TNFRSF19: variants seen among roughly 807,000 people sequenced by gnomAD.
The protein encoded by TNFRSF19 is tumor necrosis factor receptor superfamily member 19.
TNFRSF19 carries 27 observed loss-of-function variants against 46.4 expected under a neutral mutation model. The ratio of observed to expected loss-of-function variants is 0.58; its 90% CI spans 0.43 to 0.80. TNFRSF19 has a LOEUF of 0.80. Among genes scored for constraint, TNFRSF19 ranks in the 30% least tolerant of loss-of-function variants. The pLI is 0.00. For synonymous variants in TNFRSF19, 204 were observed against 205.0 expected (o/e 1.00, Z 0.04); for missense variants, 511 against 530.8 (o/e 0.96, Z 0.37).
In TNFRSF19 at chr13:23,667,971, C is replaced by T. The variant is rs1951676371; in HGVS notation, c.737-9C>T. ...GCACTGTGCTTCACACCTGTGCTGTCTTCCCTAGGGCCGGTGCGCTTGCTC... is the reference window on the plus strand; with the variant it reads ...GCACTGTGCTTCACACCTGTGCTGTTTTCCCTAGGGCCGGTGCGCTTGCTC... On this transcript the variant is annotated splice_polypyrimidine_tract_variant and intron_variant, in intron 7 of 9. Coordinates refer to ENST00000248484, the MANE Select transcript of TNFRSF19 (RefSeq NM_148957.4). The T allele has an allele frequency of 6.3e-7, 1 of 1,595,248 alleles. No individual in the cohort carries two copies. The highest frequency in any genetic ancestry group is 8.5e-7 in the Non-Finnish European group (1 of 1,170,888).
intron 5 of TNFRSF19, among the ~76,000 whole-genome samples, chr13:23,646,556 G>A (rs1180363587): frequency 1.3e-5 from 2 of 151,986 alleles, no homozygotes; most frequent in Non-Finnish European, 2.9e-5. Flanking sequence ...TTTTGTGTCT[G>A]GCTTATTTCA....
At chr13:23,621,985 A>G (rs1483485710) in intron 4 of TNFRSF19, among the ~76,000 whole-genome samples, 2 of 152,110 alleles carry the variant, frequency 1.3e-5, no homozygotes, top group East Asian at 3.9e-4. Context: ...CAAGCAGACC[A>G]GATACTGTTG....
At chr13:23,607,479 A>G (rs779285959) in intron 3 of TNFRSF19, among the ~76,000 whole-genome samples, 1 of 152,166 alleles carries the variant, frequency 6.6e-6, no homozygotes, top group Admixed American at 6.5e-5. Context: ...TTAATTTGTA[A>G]TTAAACAAGT....
chr13:23,653,501 G>T (rs1883781369), intron 5 of TNFRSF19, among the ~76,000 whole-genome samples: 1 of 152,204 alleles, frequency 6.6e-6, no homozygotes, highest in African/African-American at 2.4e-5. Flanking sequence ...AACTGCAATT[G>T]TAAATAGATT....
chr13:23,613,900 T>C (rs932880), intron 3 of TNFRSF19, among the ~76,000 whole-genome samples: 94,797 of 152,178 alleles, frequency 0.62, 30,504 homozygotes, highest in Admixed American at 0.72. Context: ...AAATTCTCCT[T>C]GAATATGCAT....
At chr13:23,584,665 T>A (rs1878698490) in intron 1 of TNFRSF19, among the ~76,000 whole-genome samples, 1 of 151,346 alleles carries the variant, frequency 6.6e-6, no homozygotes, top group Non-Finnish European at 1.5e-5. Flanking sequence ...TAGAGGCCCT[T>A]ACTGTTTTGA....
chr13:23,651,914 A>AAT (rs1555277893), intron 5 of TNFRSF19, among the ~76,000 whole-genome samples: 2 of 150,268 alleles, frequency 1.3e-5, no homozygotes, highest in African/African-American at 4.9e-5. Flanking sequence ...AAAAAAAAAA[A>AAT]AAGCATAAGT....
intron 3 of TNFRSF19, among the ~76,000 whole-genome samples, chr13:23,610,937 GT>G (rs1358900854): frequency 6.6e-6 from 1 of 152,036 alleles, no homozygotes; most frequent in African/African-American, 2.4e-5. Context: ...AAGGTACCAG[GT>G]CATAATTTCA....
chr13:23,627,652 A>C (rs1255643456), intron 5 of TNFRSF19, among the ~76,000 whole-genome samples: 1 of 152,208 alleles, frequency 6.6e-6, no homozygotes, highest in Admixed American at 6.5e-5. Context: ...GGGAGGACGG[A>C]GGAGGCTGCT....
chr13:23,594,129 T>A (rs370882624), intron 3 of TNFRSF19: 1 of 391,776 alleles, frequency 2.6e-6, no homozygotes, highest in South Asian at 1.9e-5. Context: ...TTCCCTTAGG[T>A]GCCTACACCA....
At chr13:23,652,078 G>A (rs12430924) in intron 5 of TNFRSF19, among the ~76,000 whole-genome samples, 2 of 151,972 alleles carry the variant, frequency 1.3e-5, no homozygotes, top group Admixed American at 1.3e-4. Context: ...GGGTATGTAG[G>A]GGCTGGCCCC....
intron 3 of TNFRSF19, among the ~76,000 whole-genome samples, chr13:23,597,302 C>T (rs947949147): frequency 4.0e-5 from 6 of 151,836 alleles, no homozygotes; most frequent in Non-Finnish European, 5.9e-5. Context: ...TCAATTAATC[C>T]AGGAGCTGTT....
At chr13:23,588,656 A>G (rs183892484) in intron 1 of TNFRSF19, among the ~76,000 whole-genome samples, 2 of 152,290 alleles carry the variant, frequency 1.3e-5, no homozygotes, top group Admixed American at 6.5e-5. Flanking sequence ...AAAATGTAAG[A>G]TCGTATCATG....
rs748427673 is a variant in TNFRSF19, at chr13:23,668,808, A to G, written c.956A>G (p.Asn319Ser). Residue 319 changes from asparagine to serine, a missense_variant, in exon 9 of 10, where the codon AAC becomes AGC. Physicochemically the swap from Asn to Ser is conservative, Grantham distance 46. Transcript: ENST00000248484. ...ATGCAGAATCCCATGGGTGGTGACA[A>G]CATCTCTTTTTGTGACTCTTATCCT... ...PLMQNPMGGDNISFCDSYPEL... is the reference protein window; with the variant it reads ...PLMQNPMGGDSISFCDSYPEL... The G allele has an allele frequency of 8.1e-6, 13 of 1,614,138 alleles. No homozygotes were observed. In the Admixed American group the frequency reaches 1.8e-4, roughly 23 times the overall value.
chr13:23,622,173 G>T (rs1282854604), intron 4 of TNFRSF19, among the ~76,000 whole-genome samples: 2 of 152,176 alleles, frequency 1.3e-5, no homozygotes, highest in Admixed American at 1.3e-4. Context: ...GGAGGCCGAG[G>T]ATGGTAGATC....
chr13:23,583,673 A>T (rs1349382016), intron 1 of TNFRSF19, among the ~76,000 whole-genome samples: 1 of 152,200 alleles, frequency 6.6e-6, no homozygotes, highest in Non-Finnish European at 1.5e-5. Context: ...GAAACTGGGA[A>T]ATAATAGGGG....
chr13:23,632,454 G>A (rs564840495), intron 5 of TNFRSF19, among the ~76,000 whole-genome samples: 2 of 152,290 alleles, frequency 1.3e-5, no homozygotes, highest in East Asian at 3.9e-4. Flanking sequence ...ACCCAACCAG[G>A]CCTCCCTGGG....
intron 1 of TNFRSF19, chr13:23,585,685 A>C (rs1029051950): frequency 2.0e-5 from 3 of 152,240 alleles, no homozygotes; most frequent in African/African-American, 7.2e-5. Flanking sequence ...TTCTATAGTG[A>C]AATCACAGCT....
intron 4 of TNFRSF19, among the ~76,000 whole-genome samples, chr13:23,624,373 T>C (rs1881858195): frequency 6.6e-6 from 1 of 152,104 alleles, no homozygotes; most frequent in Non-Finnish European, 1.5e-5. Context: ...AAAGGAGTAA[T>C]TTTATTAATA....
Sources: gnomAD v4.1 joint callset for allele counts (sites outside exome capture counted in the v4.1 genomes callset) on GRCh38, gnomAD v4.1.1 for gene constraint, MANE v1.5 for transcripts, NCBI Gene and HGNC (gene_info 2026-07-23, HGNC 2026-07-21) for gene names.